CCDC171: variants seen among roughly 807,000 people sequenced by gnomAD.
CCDC171 encodes the protein coiled-coil domain containing 171.
A neutral mutation model predicts 168.2 loss-of-function variants in CCDC171; 177 were observed. The observed-to-expected ratio is 1.05, with a 90% CI of 0.93 to 1.19. CCDC171 has a LOEUF of 1.19. Ranked by LOEUF, CCDC171 falls within the 50% of genes most tolerant of loss-of-function variation. CCDC171 has a pLI of 0.00. For synonymous variants in CCDC171, 687 were observed against 540.8 expected, an observed-to-expected ratio of 1.27 and a Z score of -3.75; for missense variants, 1,991 against 1,539.0, an observed-to-expected ratio of 1.29 and a Z score of -4.91.
intron 24 of CCDC171, among the ~76,000 whole-genome samples, chr9:15,905,004 G>C (rs1257039686): frequency 6.6e-6 from 1 of 152,112 alleles, no homozygotes; most frequent in East Asian, 1.9e-4. Flanking sequence ...CAATACAGGA[G>C]CACTCAGATT....
chr9:15,590,985 G>A (rs1301466810), intron 4 of CCDC171, among the ~76,000 whole-genome samples: 1 of 151,892 alleles, frequency 6.6e-6, no homozygotes, highest in Non-Finnish European at 1.5e-5. Flanking sequence ...GAGTAGCTGG[G>A]ATTACAGGTG....
rs373120688 is a variant in CCDC171, at chr9:15,576,091, CA to C, written c.178-2745del. 4.0e-3 allele frequency among the ~76,000 whole-genome samples: 558 copies of C among 141,032 alleles called. 2 individuals are homozygous for C. Among genetic ancestry groups the C allele is most frequent in the Non-Finnish European group, 5.8e-3 (378 of 64,754 alleles). 92.5% of individuals were successfully genotyped at this position (141,032 alleles called of 152,430 possible). A position where few individuals can be genotyped will look rare whatever the true frequency, so the allele number is the denominator to read the frequency against. ...TCGGCAACAGAGCGAGACTCTGTCT[CA>C]AAAAAAAAAAAATTATAGCTACATA... On this transcript the variant is annotated intron_variant, in intron 3 of 25. Transcript: ENST00000380701.
At chr9:15,589,124 C>G (rs368142252) in intron 4 of CCDC171, among the ~76,000 whole-genome samples, 6 of 152,184 alleles carry the variant, frequency 3.9e-5, no homozygotes, top group African/African-American at 1.4e-4. Context: ...GGGGAAAACA[C>G]GTTTCCCTTC....
the CCDC171 span, among the ~76,000 whole-genome samples, chr9:16,095,867 C>CAT: frequency 3.0e-3 from 158 of 52,764 alleles, no homozygotes; most frequent in African/African-American, 0.01. Flanking sequence ...CACACATAGG[C>CAT]ACATATATAT....
intron 23 of CCDC171, among the ~76,000 whole-genome samples, chr9:15,853,982 GC>G (rs775684706): frequency 1.1e-4 from 16 of 150,206 alleles, no homozygotes; most frequent in African/African-American, 1.7e-4. Context: ...TTTTGAATAT[GC>G]TGCTAGGTTT....
intron 25 of CCDC171, among the ~76,000 whole-genome samples, chr9:15,968,696 G>A (rs904197407): frequency 1.3e-5 from 2 of 151,782 alleles, no homozygotes; most frequent in East Asian, 1.9e-4. Flanking sequence ...ACAGGCGCCC[G>A]CCCAACTGAT....
intron 21 of CCDC171, among the ~76,000 whole-genome samples, chr9:15,814,632 AC>A (rs34773608): frequency 0.43 from 65,387 of 151,688 alleles, 14,273 homozygotes; most frequent in Non-Finnish European, 0.46. Context: ...TAGATATCTT[AC>A]ATTGTTATAA....
At chr9:15,751,573 T>C (rs1054449410) in intron 18 of CCDC171, among the ~76,000 whole-genome samples, 1 of 152,056 alleles carries the variant, frequency 6.6e-6, no homozygotes, top group Non-Finnish European at 1.5e-5. Context: ...TATAGACCAA[T>C]GCAACAGAAC....
At chr9:16,079,255 G>A in the CCDC171 span, among the ~76,000 whole-genome samples, 3 of 152,258 alleles carry the variant, frequency 2.0e-5, no homozygotes, top group South Asian at 4.2e-4. Flanking sequence ...CTGGTGTTAC[G>A]GTTTGAATTG....
At chr9:16,007,489 A>G (rs1408971880) in intron 3 of CCDC171, among the ~76,000 whole-genome samples, 3 of 152,170 alleles carry the variant, frequency 2.0e-5, no homozygotes, top group African/African-American at 7.2e-5. Context: ...TTGGTGTTTT[A>G]GACATGAAGT....
intron 21 of CCDC171, among the ~76,000 whole-genome samples, chr9:15,844,394 T>A (rs2060810380): frequency 6.6e-6 from 1 of 152,070 alleles, no homozygotes; most frequent in Non-Finnish European, 1.5e-5. Context: ...ATTCTGTTTT[T>A]GTTATTTAAA....
intron 6 of CCDC171, among the ~76,000 whole-genome samples, chr9:15,618,799 G>A (rs2044286461): frequency 6.6e-6 from 1 of 151,892 alleles, no homozygotes; most frequent in Admixed American, 6.6e-5. Flanking sequence ...GTGAAGTGAC[G>A]CCCCACCCTG....
intron 3 of CCDC171, among the ~76,000 whole-genome samples, chr9:16,016,907 G>A (rs923532840): frequency 1.3e-5 from 2 of 152,146 alleles, no homozygotes; most frequent in South Asian, 2.1e-4. Flanking sequence ...AATGATATAT[G>A]ATATGCATGC....
intron 23 of CCDC171, among the ~76,000 whole-genome samples, chr9:15,859,896 A>C (rs2130951946): frequency 6.6e-6 from 1 of 151,692 alleles, no homozygotes; most frequent in East Asian, 1.9e-4. Context: ...TTGAACTCCT[A>C]GCCTCAAGCA....
intron 18 of CCDC171, among the ~76,000 whole-genome samples, chr9:15,756,809 A>G (rs1564354207): frequency 6.6e-6 from 1 of 152,156 alleles, no homozygotes; most frequent in Non-Finnish European, 1.5e-5. Context: ...TACTGTTCTC[A>G]TGGCAGTGAA....
At chr9:15,879,803 C>G (rs2105313) in intron 24 of CCDC171, among the ~76,000 whole-genome samples, 117,848 of 151,542 alleles carry the variant, frequency 0.78, 46,560 homozygotes, top group East Asian at 0.85. Context: ...TACATTTTTT[C>G]ATTATTCTCT....
chr9:16,016,575 C>G (rs528759015), intron 3 of CCDC171, among the ~76,000 whole-genome samples: 1 of 152,088 alleles, frequency 6.6e-6, no homozygotes, highest in Non-Finnish European at 1.5e-5. Context: ...GGTCGGTGAG[C>G]CACTTCTGCA....
chr9:15,626,852 C>T (rs1434412836), intron 7 of CCDC171, among the ~76,000 whole-genome samples: 1 of 152,106 alleles, frequency 6.6e-6, no homozygotes, highest in African/African-American at 2.4e-5. Flanking sequence ...GGGAGAGTTC[C>T]CTCTTTTTCT....
At chr9:15,558,262 A>C (rs1461226175) in intron 1 of CCDC171, among the ~76,000 whole-genome samples, 1 of 152,178 alleles carries the variant, frequency 6.6e-6, no homozygotes, top group Non-Finnish European at 1.5e-5. Context: ...AAAATGAATT[A>C]GGGAGGATTC....
Sources: gnomAD v4.1 joint callset for allele counts (sites outside exome capture counted in the v4.1 genomes callset) on GRCh38, gnomAD v4.1.1 for gene constraint, MANE v1.5 for transcripts, NCBI Gene and HGNC (gene_info 2026-07-23, HGNC 2026-07-21) for gene names.